SHLD2: variants seen among roughly 807,000 people sequenced by gnomAD.
SHLD2 encodes shieldin complex subunit 2.
SHLD2 carries 30 observed loss-of-function variants against 73.2 expected under a neutral mutation model. The ratio of observed to expected loss-of-function variants is 0.41; its 90% confidence interval spans 0.31 to 0.56. The LOEUF (loss-of-function observed/expected upper bound fraction) is 0.56. Among genes scored for constraint, SHLD2 ranks in the 20% least tolerant of loss-of-function variants. The pLI is 0.28. For missense variants in SHLD2, 745 were observed against 1,055.9 expected (o/e 0.71, Z 4.08); for synonymous variants, 285 against 370.1 (o/e 0.77, Z 2.64).
In SHLD2 at chr10:87,152,064, C is replaced by T. The variant is rs774502118; in HGVS notation, c.710C>T (p.Ser237Leu). 9.9e-6 allele frequency: 16 copies of T among 1,611,890 alleles called. No individual in the cohort carries two copies. In the South Asian group the frequency reaches 1.6e-4, roughly 17 times the overall value. Residue 237 changes from serine to leucine, a missense_variant, in exon 3 of 10, where the codon TCA becomes TTA. This residue lies in a region of SHLD2 where 280 missense variants were observed against 353.9 expected (regional missense o/e 0.79). Transcript: ENST00000298786. ...AGGAAGGTCTCAGACCTTAAAATATCAACTGATACAGAATTTCTCAGTATA... is the reference window on the plus strand; with the variant it reads ...AGGAAGGTCTCAGACCTTAAAATATTAACTGATACAGAATTTCTCAGTATA... ...AVRKVSDLKI[S>L]TDTEFLSIIT... is the part of the protein sequence containing the mutation.
chr10:87,114,660 G>A (rs2134027786), intron 2 of SHLD2, among the ~76,000 whole-genome samples: 1 of 152,290 alleles, frequency 6.6e-6, no homozygotes, highest in Admixed American at 6.5e-5. Flanking sequence ...GGGAGGTGGA[G>A]GTTGCAGTGA....
Position 87,179,014 on chromosome 10 carries a change from G to A in SHLD2, c.2171-1061G>A, listed in dbSNP as rs1309844021. Among the ~76,000 whole-genome samples, 4 of 152,242 alleles carry A rather than the reference G, an allele frequency of 2.6e-5. No individual in the cohort carries two copies. The East Asian group carries it at 7.7e-4, about 29-fold the overall frequency. ...CCTGGAGTGTTCTTACTTCTAAGTG[G>A]ATGAAGAAGAACAAATTTGAAGGCT... On this transcript the variant is annotated intron_variant, in intron 7 of 9. Coordinates refer to ENST00000298786, the MANE Select transcript of SHLD2 (RefSeq NM_001330112.2).
In SHLD2 at chr10:87,158,153, A is replaced by C. The variant is rs560075779; in HGVS notation, c.1631A>C (p.Glu544Ala). Residue 544 changes from glutamate (E) to alanine (A), a missense_variant and splice_region_variant, in exon 4 of 10, where the codon GAA (glutamate) becomes GCA (alanine). Transcript: ENST00000298786. ...LGSYSSIQPE[E>A]YSSVVSEVVL... ...AGTTATTCATCTATTCAGCCTGAAG[A>C]ATGTAAGGCACATTTTAAATGAAGT... 49 of 1,610,288 alleles carry C rather than the reference A, an allele frequency of 3.0e-5. 2 individuals carry two copies. In the South Asian group the frequency reaches 5.3e-4, roughly 17 times the overall value.
At chr10:87,105,835 A>C (rs1044235819) in intron 2 of SHLD2, among the ~76,000 whole-genome samples, 1 of 152,218 alleles carries the variant, frequency 6.6e-6, no homozygotes, top group Non-Finnish European at 1.5e-5. Flanking sequence ...AAGGCCTGCC[A>C]GCTACCTTCA....
At chr10:87,145,395 A>G (rs1172417703) in intron 2 of SHLD2, among the ~76,000 whole-genome samples, 1 of 152,060 alleles carries the variant, frequency 6.6e-6, no homozygotes, top group African/African-American at 2.4e-5. Flanking sequence ...CTTAACTTCA[A>G]TAATTTCAAG....
At chr10:87,124,936 G>T (rs185953605) in intron 2 of SHLD2, among the ~76,000 whole-genome samples, 59 of 152,030 alleles carry the variant, frequency 3.9e-4, no homozygotes, top group African/African-American at 1.2e-3. Flanking sequence ...TAGAGACAGG[G>T]TCTCACTATG....
At chr10:87,107,331 T>C (rs965751144) in intron 2 of SHLD2, among the ~76,000 whole-genome samples, 28 of 152,068 alleles carry the variant, frequency 1.8e-4, no homozygotes, top group African/African-American at 6.5e-4. Context: ...GGAGAATTGC[T>C]TGAACCTGGG....
chr10:87,095,236 G>T lies in SHLD2; in HGVS notation c.-74G>T, dbSNP rs1589396004. On this transcript the variant is annotated 5_prime_UTR_variant, in exon 1 of 10. Transcript: ENST00000298786. ...TGCCCGGAGGCCGCACCCGCCTCCG[G>T]CGGGGCTCTCAGGTATGTGCGCCGC... 1 of 149,778 alleles carries T rather than the reference G, an allele frequency of 6.7e-6. No individual in the cohort carries two copies. Among genetic ancestry groups the T allele is most frequent in the African/African-American group, 2.4e-5 (1 of 40,890 alleles). The allele number at this position is 149,778 out of a possible 1,614,324, so 9.3% of individuals were successfully genotyped here. A position where few individuals can be genotyped will look rare whatever the true frequency, so the allele number is the denominator to read the frequency against.
chr10:87,171,803 T>G (rs1445923550), intron 6 of SHLD2, among the ~76,000 whole-genome samples: 1 of 152,154 alleles, frequency 6.6e-6, no homozygotes, highest in Non-Finnish European at 1.5e-5. Flanking sequence ...TTGAGATAAG[T>G]CTAACTTTGG....
chr10:87,131,331 A>G (rs916436525), intron 2 of SHLD2, among the ~76,000 whole-genome samples: 2 of 152,078 alleles, frequency 1.3e-5, no homozygotes, highest in Admixed American at 1.3e-4. Context: ...CTATCACACC[A>G]AAAAGAAACC....
chr10:87,115,685 C>T (rs1355787342), intron 2 of SHLD2, among the ~76,000 whole-genome samples: 2 of 152,014 alleles, frequency 1.3e-5, no homozygotes, highest in South Asian at 2.1e-4. Flanking sequence ...TGGAAGAGGA[C>T]AAAAAATTGA....
intron 8 of SHLD2, among the ~76,000 whole-genome samples, chr10:87,182,765 T>G (rs377581155): frequency 1.3e-5 from 2 of 151,896 alleles, no homozygotes; most frequent in East Asian, 3.8e-4. Context: ...TGCAGTCATC[T>G]GAAGGCTTGA....
At chr10:87,126,942 A>G (rs1197806088) in intron 2 of SHLD2, among the ~76,000 whole-genome samples, 2 of 152,266 alleles carry the variant, frequency 1.3e-5, no homozygotes, top group Non-Finnish European at 2.9e-5. Context: ...TGGTGTTACC[A>G]GAATACAAAG....
chr10:87,109,141 A>G (rs929225148), intron 2 of SHLD2, among the ~76,000 whole-genome samples: 12 of 152,176 alleles, frequency 7.9e-5, no homozygotes, highest in Non-Finnish European at 1.6e-4. Flanking sequence ...GTCATTGGCT[A>G]TTATGCCTTT....
chr10:87,133,539 A>G lies in SHLD2; in HGVS notation c.-5-17811A>G, dbSNP rs1278651022. 4.6e-5 allele frequency among the ~76,000 whole-genome samples: 7 copies of G among 152,316 alleles called. No homozygotes were observed. In the East Asian group the frequency reaches 1.3e-3, roughly 29 times the overall value. On this transcript the variant is annotated intron_variant, in intron 2 of 9. Transcript: ENST00000298786. ...AAAGATGAGTAATAATTAGCAAGTA[A>G]TGAATATTGTTCTTTTTACCATTCA...
intron 8 of SHLD2, among the ~76,000 whole-genome samples, chr10:87,186,348 T>TA (rs1848618371): frequency 6.6e-6 from 1 of 152,220 alleles, no homozygotes; most frequent in Non-Finnish European, 1.5e-5. Context: ...AGTTATAAAA[T>TA]AGGTACCACA....
intron 2 of SHLD2, among the ~76,000 whole-genome samples, chr10:87,108,024 C>A (rs1042423465): frequency 6.6e-6 from 1 of 152,052 alleles, no homozygotes. Context: ...GCTGGAATTG[C>A]AGGTACACAT....
intron 2 of SHLD2, among the ~76,000 whole-genome samples, chr10:87,106,378 T>C (rs962345004): frequency 6.6e-6 from 1 of 152,072 alleles, no homozygotes; most frequent in African/African-American, 2.4e-5. Flanking sequence ...TGCTCTCTGC[T>C]GTCTTACTGT....
At chr10:87,097,770 T>C (rs1842000797) in intron 2 of SHLD2, among the ~76,000 whole-genome samples, 1 of 152,136 alleles carries the variant, frequency 6.6e-6, no homozygotes, top group African/African-American at 2.4e-5. Flanking sequence ...TTGTTTTGTT[T>C]TGTTTTTTTG....
Sources: gnomAD v4.1 joint callset for allele counts (sites outside exome capture counted in the v4.1 genomes callset) on GRCh38, gnomAD v4.1.1 for gene constraint, gnomAD v4.1.1 regional missense constraint, MANE v1.5 for transcripts, NCBI Gene and HGNC (gene_info 2026-07-23, HGNC 2026-07-21) for gene names.